The following EIF1 variants were observed in gnomAD, a reference collection of about 807,000 sequenced individuals.
The protein encoded by EIF1 is eukaryotic translation initiation factor 1.
Under a neutral mutation model 13.7 loss-of-function variants are expected in EIF1, and 4 were observed. The ratio of observed to expected loss-of-function variants is 0.29; its 90% CI spans 0.14 to 0.67. EIF1 has a LOEUF of 0.67. Among genes scored for constraint, EIF1 ranks in the 30% least tolerant of loss-of-function variants. The probability of loss-of-function intolerance (pLI) is 0.77; values close to 1 mark genes in which losing one functional copy is unlikely to be tolerated. For synonymous variants in EIF1, 67 were observed against 50.7 expected, an observed-to-expected ratio of 1.32 and a Z score of -1.37; for missense variants, 64 against 138.0, an observed-to-expected ratio of 0.46 and a Z score of 2.69.
rs756408532 is a variant in EIF1, at chr17:41,690,867, C to T, written c.*41C>T. On this transcript the variant is annotated 3_prime_UTR_variant, in exon 4 of 4. Transcript: ENST00000469257. ...TGAAGCTTAAGTGAGGATTTCCTTGCAATGAGTAGAATTTCCCTTCTCTCC... is the reference window on the plus strand; with the variant it reads ...TGAAGCTTAAGTGAGGATTTCCTTGTAATGAGTAGAATTTCCCTTCTCTCC... 3.1e-6 allele frequency: 5 copies of T among 1,606,920 alleles called. No individual in the cohort carries two copies. Among genetic ancestry groups the T allele is most frequent in the Non-Finnish European group, 2.6e-6 (3 of 1,174,790 alleles).
intron 2 of EIF1, 70 bp from the exon 3 acceptor site, chr17:41,690,018 G>T: frequency 6.2e-7 from 1 of 1,610,744 alleles, no homozygotes; most frequent in Non-Finnish European, 8.5e-7. Flanking sequence ...TGTATGTATT[G>T]TTAGCGGAAG....
chr17:41,690,710 T>C, intron 3 of EIF1, 72 bp from the exon 4 acceptor site: 1 of 1,544,174 alleles, frequency 6.5e-7, no homozygotes, highest in Non-Finnish European at 9.0e-7. Context: ...AAGACAGGGT[T>C]GTTGCCATTA....
At chr17:41,690,211 T>C in intron 3 of EIF1, 22 bp downstream of exon 3, 1 of 1,586,194 alleles carries the variant, frequency 6.3e-7, no homozygotes, top group Non-Finnish European at 8.7e-7. Context: ...CACTACTTGA[T>C]TTGTGCCTCT....
rs1910363420 is a variant in EIF1, at chr17:41,691,089, T to C, written c.*263T>C. The C allele has an allele frequency of 2.1e-5, 12 of 562,556 alleles. No individual in the cohort carries two copies. The South Asian group carries it at 2.4e-4, about 11-fold the overall frequency. 34.8% of individuals were successfully genotyped at this position (562,556 alleles called of 1,614,324 possible). On this transcript the variant is annotated 3_prime_UTR_variant, in exon 4 of 4. Transcript: ENST00000469257. ...AGCCTGAAACCAAGCAATACCGTCA[T>C]GTTTCAGCCAAGCCCAGAGCCCTAA...
chr17:41,689,348 CT>C (rs1910296923), intron 1 of EIF1: 1 of 566,094 alleles, frequency 1.8e-6, no homozygotes. Flanking sequence ...ACACCCGCCC[CT>C]CCCGTCACCA....
In EIF1 at chr17:41,688,964, C is replaced by G. The variant is rs1227465441; in HGVS notation, c.-75C>G. The G allele has an allele frequency of 3.9e-6, 6 of 1,524,100 alleles. No homozygotes were observed. Among genetic ancestry groups the G allele is most frequent in the Non-Finnish European group, 5.4e-6 (6 of 1,104,484 alleles). 94.4% of individuals were successfully genotyped at this position (1,524,100 alleles called of 1,614,324 possible). ...TCGCTTCCCGACGTTCCGTTCCCCC[C>G]TGCCCGCCTTCTCCCGCCACCGCCG... On this transcript the variant is annotated 5_prime_UTR_variant, in exon 1 of 4. Coordinates refer to ENST00000469257, the MANE Select transcript of EIF1 (RefSeq NM_005801.4).
chr17:41,690,560 C>T (rs1910343846), intron 3 of EIF1: 3 of 578,262 alleles, frequency 5.2e-6, no homozygotes, highest in Admixed American at 3.2e-5. Context: ...GAAGAGATTT[C>T]AGATACCTGA....
intron 1 of EIF1, 30 bp downstream of exon 1, chr17:41,689,099 G>T: frequency 6.2e-7 from 1 of 1,612,670 alleles, no homozygotes; most frequent in South Asian, 1.1e-5. Context: ...GCGGGCCCGG[G>T]TGGGGCAGCG....
intron 1 of EIF1, 154 bp downstream of exon 1, chr17:41,689,223 G>C: frequency 2.2e-6 from 2 of 890,960 alleles, no homozygotes; most frequent in Non-Finnish European, 3.5e-6. Flanking sequence ...TCAAGGCCTG[G>C]GCCCCGGGGT....
At position 41,691,664 on chromosome 17, in the gene EIF1, T is replaced by TTA. The variant is rs775593581; in HGVS notation, c.*845_*846dup. The TTA allele has an allele frequency of 6.6e-6, 1 of 152,628 alleles. No individual in the cohort carries two copies. The highest frequency in any genetic ancestry group is 1.5e-5 in the Non-Finnish European group (1 of 68,032). 9.5% of individuals were successfully genotyped at this position (152,628 alleles called of 1,614,324 possible). On this transcript the variant is annotated 3_prime_UTR_variant, in exon 4 of 4. Transcript: ENST00000469257. ...CAGAAATACCTGACTTGCAGATTATTTATATATAGTCGATCTTGTGCATAT... is the reference window on the plus strand; with the variant it reads ...CAGAAATACCTGACTTGCAGATTATTTATATATATAGTCGATCTTGTGCATAT...
At position 41,690,265 on chromosome 17, in the gene EIF1, A is replaced by G. The variant is rs1046276929; in HGVS notation, c.297+76A>G. 1.4e-4 allele frequency: 192 copies of G among 1,340,318 alleles called. No individual in the cohort carries two copies. The Middle Eastern group carries it at 1.5e-3, about 10-fold the overall frequency. The allele number at this position is 1,340,318 out of a possible 1,614,324, so 83.0% of individuals were successfully genotyped here. A position where few individuals can be genotyped will look rare whatever the true frequency, so the allele number is the denominator to read the frequency against. On this transcript the variant is annotated intron_variant, in intron 3 of 3. Transcript: ENST00000469257. ...TCCTGTCTGTTAGCTTCTGCTGGGG[A>G]CATAAAAGTTGGCTTTGTAAGGCTG...
intron 3 of EIF1, 160 bp downstream of exon 3, chr17:41,690,349 G>A (rs1394353890): frequency 1.7e-6 from 1 of 603,950 alleles, no homozygotes; most frequent in African/African-American, 1.9e-5. Flanking sequence ...ATAGGAAAAA[G>A]CAGAAGGGAC....
chr17:41,690,647 C>T (rs1481721013), intron 3 of EIF1, 135 bp from the exon 4 acceptor site: 7 of 857,890 alleles, frequency 8.2e-6, no homozygotes. Context: ...AACTGAGGAC[C>T]CTCTGTTGAA....
At chr17:41,690,262 G>A in intron 3 of EIF1, 73 bp downstream of exon 3, 1 of 1,367,046 alleles carries the variant, frequency 7.3e-7, no homozygotes, top group Non-Finnish European at 1.0e-6. Context: ...GCTTCTGCTG[G>A]GGACATAAAA....
intron 3 of EIF1, chr17:41,690,395 C>T (rs919621526): frequency 3.5e-6 from 2 of 575,082 alleles, no homozygotes; most frequent in South Asian, 2.3e-5. Flanking sequence ...TGTGGATCTA[C>T]TTCACAGATG....
At position 41,690,409 on chromosome 17, in the gene EIF1, A is replaced by AT. The variant is rs535300290; in HGVS notation, c.297+223dup. On this transcript the variant is annotated intron_variant, in intron 3 of 3. Transcript: ENST00000469257. ...CTGTGGATCTACTTCACAGATGCAA[A>AT]TTTGAATAGCATATAGATGCATTGT... 2.7e-4 allele frequency: 156 copies of AT among 572,320 alleles called. No individual in the cohort carries two copies. In the African/African-American group the frequency reaches 2.8e-3, roughly 10 times the overall value. 35.5% of individuals were successfully genotyped at this position (572,320 alleles called of 1,614,324 possible).
rs1567767399 is a variant in EIF1, at chr17:41,691,455, T to G, written c.*629T>G. 6.5e-6 allele frequency: 1 copy of G among 153,922 alleles called. No individual in the cohort carries two copies. The highest frequency in any genetic ancestry group is 1.5e-5 in the Non-Finnish European group (1 of 68,940). 9.5% of individuals were successfully genotyped at this position (153,922 alleles called of 1,614,324 possible). On this transcript the variant is annotated 3_prime_UTR_variant, in exon 4 of 4. Transcript: ENST00000469257. The stretch of plus-strand genomic sequence containing the variant: ...CAACCTTCTATCAGAGTTAAACTTT[T>G]GACAAGGGAACAAATCTCAAACTGA...
Position 41,690,834 on chromosome 17 carries a change from T to G in EIF1, c.*8T>G. 6.2e-7 allele frequency: 1 copy of G among 1,613,478 alleles called. No individual in the cohort carries two copies. The highest frequency in any genetic ancestry group is 8.5e-7 in the Non-Finnish European group (1 of 1,179,826). Reference sequence around the variant, plus strand: ...AAGGTTCATGGGTTTTAAGTGCTTGTGGCTCACTGAAGCTTAAGTGAGGAT... The same window carrying G: ...AAGGTTCATGGGTTTTAAGTGCTTGGGGCTCACTGAAGCTTAAGTGAGGAT... On this transcript the variant is annotated 3_prime_UTR_variant, in exon 4 of 4. Transcript: ENST00000469257.
At position 41,690,565 on chromosome 17, in the gene EIF1, A is replaced by C; in HGVS notation, c.298-217A>C. The C allele has an allele frequency of 6.9e-6, 4 of 581,624 alleles. No homozygotes were observed. In the East Asian group the frequency reaches 1.1e-4, roughly 16 times the overall value. 36.0% of individuals were successfully genotyped at this position (581,624 alleles called of 1,614,324 possible). On this transcript the variant is annotated intron_variant, in intron 3 of 3. Transcript: ENST00000469257. ...TGATATAATTGAAGAGATTTCAGATACCTGATGAGTCTCATTCTCACACTA... is the reference window on the plus strand; with the variant it reads ...TGATATAATTGAAGAGATTTCAGATCCCTGATGAGTCTCATTCTCACACTA...
Sources: allele counts gnomAD v4.1 joint callset, GRCh38; gene constraint gnomAD v4.1.1; transcripts MANE v1.5; gene names NCBI Gene and HGNC (gene_info 2026-07-23, HGNC 2026-07-21).